Variants in MYO1E observed in about 807,000 individuals in gnomAD.
MYO1E encodes the protein myosin IE.
A neutral mutation model predicts 151.1 loss-of-function variants in MYO1E; 68 were observed. That is an observed-to-expected ratio of 0.45 (90% CI 0.37 to 0.55). The LOEUF is 0.55. Among genes scored for constraint, MYO1E ranks in the 20% least tolerant of loss-of-function variants. The pLI is 0.00. For missense variants in MYO1E, 1,363 were observed against 1,389.3 expected (o/e 0.98, Z 0.30); for synonymous variants, 601 against 501.7 (o/e 1.20, Z -2.64).
intron 1 of MYO1E, among the ~76,000 whole-genome samples, chr15:59,327,249 C>T (rs542127380): frequency 2.3e-4 from 35 of 152,244 alleles, no homozygotes; most frequent in African/African-American, 7.7e-4. Flanking sequence ...CGTGGCTCAC[C>T]GCTGGGCACT....
intron 26 of MYO1E, among the ~76,000 whole-genome samples, chr15:59,145,249 GATT>G (rs2079434736): frequency 6.6e-6 from 1 of 152,170 alleles, no homozygotes; most frequent in Non-Finnish European, 1.5e-5. Context: ...AGGAGGAAGG[GATT>G]ACACACCCCC....
At position 59,159,974 on chromosome 15, in the gene MYO1E, A is replaced by G. The variant is rs1453319314; in HGVS notation, c.2785+1099T>C. On this transcript the variant is annotated intron_variant, in intron 24 of 27. Transcript: ENST00000288235. This position sits in a 1 kb window ranked among gnomAD's most constrained non-coding sequence, Gnocchi z 4.4. ...ATTCTCCTGCCTCAGCCTCCCAAGT[A>G]GCTGGGACTACAGGCATACGCCACA... 1.3e-5 allele frequency among the ~76,000 whole-genome samples: 2 copies of G among 152,112 alleles called. No individual in the cohort carries two copies. Among genetic ancestry groups the G allele is most frequent in the Non-Finnish European group, 2.9e-5 (2 of 68,018 alleles).
intron 4 of MYO1E, among the ~76,000 whole-genome samples, chr15:59,249,162 G>A (rs1228425534): frequency 1.2e-4 from 19 of 152,114 alleles, no homozygotes; most frequent in South Asian, 8.3e-4. Flanking sequence ...GGTGGCTCAC[G>A]CCTGTAATCC....
Position 59,224,765 on chromosome 15 carries a change from T to A in MYO1E, c.701A>T (p.Tyr234Phe), listed in dbSNP as rs753956205. 3 of 1,614,154 alleles carry A rather than the reference T, an allele frequency of 1.9e-6. No individual in the cohort carries two copies. The Admixed American group carries it at 5.0e-5, about 27-fold the overall frequency. The change falls in exon 8 of 28, where the codon TAT becomes TTT. Residue 234 changes from tyrosine to phenylalanine, a missense_variant. By Grantham distance (22) the Tyr-to-Phe change is conservative (BLOSUM62 3). Transcript: ENST00000288235. The part of the protein sequence containing the change: ...KHSLGITSMD[Y>F]YYYLSLSGSY... ...GCCCGAGAGGCTCAGGTAGTAATAA[T>A]AGTCCATGCTGGTGATGCCAAGGCT... is the stretch of plus-strand genomic sequence containing the variant.
Position 59,133,692 on chromosome 15 carries a change from AAC to A in MYO1E, c.*3686_*3687del, listed in dbSNP as rs1360561417. ...GATCACAAAAGTGAGGGGTGCCAGAAACACAGAGTTAAATTGTCTACCAAAGA... is the reference window on the plus strand; with the variant it reads ...GATCACAAAAGTGAGGGGTGCCAGAAACAGAGTTAAATTGTCTACCAAAGA... On this transcript the variant is annotated 3_prime_UTR_variant, in exon 28 of 28. Coordinates refer to ENST00000288235, the MANE Select transcript of MYO1E (RefSeq NM_004998.4). The A allele has an allele frequency of 6.6e-6, 1 of 152,224 alleles. No individual in the cohort carries two copies. Among genetic ancestry groups the A allele is most frequent in the Non-Finnish European group, 1.5e-5 (1 of 68,046 alleles). 9.4% of individuals were successfully genotyped at this position (152,224 alleles called of 1,614,324 possible).
chr15:59,206,925 T>G (rs2079838719), intron 14 of MYO1E: 11 of 1,603,624 alleles, frequency 6.9e-6, no homozygotes, highest in Non-Finnish European at 9.4e-6. Context: ...TCTCTCCACT[T>G]CTTCAGTGAG....
chr15:59,230,644 G>A (rs1405791117), intron 6 of MYO1E, among the ~76,000 whole-genome samples: 1 of 152,138 alleles, frequency 6.6e-6, no homozygotes, highest in Non-Finnish European at 1.5e-5. Context: ...AAACAAATGA[G>A]TAGTTTGAAT....
chr15:59,150,731 A>G (rs1348869224), intron 26 of MYO1E, among the ~76,000 whole-genome samples: 7 of 152,122 alleles, frequency 4.6e-5, no homozygotes, highest in Non-Finnish European at 1.0e-4. Context: ...CAATCAGACT[A>G]CAGGTGCCTT....
Position 59,269,596 on chromosome 15 carries a change from G to A in MYO1E, c.147+2710C>T, listed in dbSNP as rs547594689. On this transcript the variant is annotated intron_variant, in intron 2 of 27. Transcript: ENST00000288235. ...GAAGCTGCTGGGCGCAGTGGCTCAC[G>A]CCTGTAATCCCAGCACTTTGGGAGG... 7.2e-5 allele frequency among the ~76,000 whole-genome samples: 11 copies of A among 152,164 alleles called. No individual in the cohort carries two copies. In the East Asian group the frequency reaches 1.5e-3, roughly 21 times the overall value.
At chr15:59,372,203 G>A (rs2080950204) in intron 1 of MYO1E, among the ~76,000 whole-genome samples, 1 of 152,016 alleles carries the variant, frequency 6.6e-6, no homozygotes, top group Non-Finnish European at 1.5e-5. Flanking sequence ...GCCCCTCGCA[G>A]CCGATGCGCC....
At chr15:59,331,820 G>A (rs1596422641) in intron 1 of MYO1E, among the ~76,000 whole-genome samples, 1 of 152,212 alleles carries the variant, frequency 6.6e-6, no homozygotes, top group Non-Finnish European at 1.5e-5. Context: ...TTTCTTTTCT[G>A]TTTATATGTA....
chr15:59,268,125 A>G (rs559913408), intron 2 of MYO1E, among the ~76,000 whole-genome samples: 1 of 152,312 alleles, frequency 6.6e-6, no homozygotes, highest in East Asian at 1.9e-4. Flanking sequence ...AAAAAACCCA[A>G]CTCTTACTTA....
At chr15:59,152,374 C>T (rs1470698983) in intron 26 of MYO1E, among the ~76,000 whole-genome samples, 1 of 152,146 alleles carries the variant, frequency 6.6e-6, no homozygotes, top group Non-Finnish European at 1.5e-5. Flanking sequence ...GTGCTGGAGA[C>T]AGGAGACAGT....
At chr15:59,254,244 G>C (rs1287827095) in intron 4 of MYO1E, among the ~76,000 whole-genome samples, 1 of 152,152 alleles carries the variant, frequency 6.6e-6, no homozygotes, top group Non-Finnish European at 1.5e-5. Context: ...CTAGAGTGCA[G>C]TGGTTCAAGC....
At chr15:59,343,929 A>C (rs1596432765) in intron 1 of MYO1E, among the ~76,000 whole-genome samples, 1 of 152,136 alleles carries the variant, frequency 6.6e-6, no homozygotes, top group Non-Finnish European at 1.5e-5. Flanking sequence ...TGTTACCTTG[A>C]ATTTGAGTTT....
At chr15:59,349,628 T>A (rs2080812955) in intron 1 of MYO1E, among the ~76,000 whole-genome samples, 1 of 152,184 alleles carries the variant, frequency 6.6e-6, no homozygotes, top group South Asian at 2.1e-4. Context: ...TTTCGTTCTG[T>A]GATGTCTGTT....
At chr15:59,191,426 TTCTC>T (rs1260063445) in intron 17 of MYO1E, among the ~76,000 whole-genome samples, 1 of 151,058 alleles carries the variant, frequency 6.6e-6, no homozygotes, top group African/African-American at 2.4e-5. Flanking sequence ...TAATTTTCCT[TTCTC>T]TCACCCTCCA....
At chr15:59,338,277 G>C (rs2080741980) in intron 1 of MYO1E, among the ~76,000 whole-genome samples, 1 of 141,374 alleles carries the variant, frequency 7.1e-6, no homozygotes, top group African/African-American at 2.5e-5. Context: ...AACTAGATCA[G>C]TATTGACTTT....
At chr15:59,256,256 C>T (rs778560603) in intron 4 of MYO1E, 28 bp downstream of exon 4, 32 of 1,515,718 alleles carry the variant, frequency 2.1e-5, no homozygotes, top group South Asian at 4.5e-5. Context: ...ATATCTTCCA[C>T]GCCCACTGAT....
Sources: gnomAD v4.1 joint callset for allele counts (sites outside exome capture counted in the v4.1 genomes callset) on GRCh38, gnomAD v4.1.1 for gene constraint, Gnocchi (gnomAD v3.1) non-coding constraint, MANE v1.5 for transcripts, NCBI Gene and HGNC (gene_info 2026-07-23, HGNC 2026-07-21) for gene names.